PARVA: variants seen among roughly 807,000 people sequenced by gnomAD.
PARVA encodes parvin alpha.
PARVA carries 25 observed loss-of-function variants against 52.6 expected under a neutral mutation model. The observed-to-expected ratio is 0.48, with a 90% CI of 0.35 to 0.66. PARVA has a LOEUF of 0.66. Among genes scored for constraint, PARVA ranks in the 30% least tolerant of loss-of-function variants. PARVA has a pLI of 0.01. For synonymous variants in PARVA, 185 were observed against 179.1 expected (o/e 1.03, Z -0.26); for missense variants, 373 against 450.9 (o/e 0.83, Z 1.56).
chr11:12,437,546 C>G (rs553233769), intron 1 of PARVA, among the ~76,000 whole-genome samples: 2 of 152,202 alleles, frequency 1.3e-5, no homozygotes, highest in Non-Finnish European at 2.9e-5. Flanking sequence ...ATCTCTATAT[C>G]CACTTTGTCT....
At chr11:12,459,192 A>AG (rs1400598229) in intron 1 of PARVA, among the ~76,000 whole-genome samples, 1 of 151,964 alleles carries the variant, frequency 6.6e-6, no homozygotes, top group Non-Finnish European at 1.5e-5. Flanking sequence ...TTTTGGGCCC[A>AG]GGGGTTCGAG....
At chr11:12,474,817 G>C (rs1940986572) in intron 3 of PARVA, among the ~76,000 whole-genome samples, 3 of 151,034 alleles carry the variant, frequency 2.0e-5, no homozygotes, top group Admixed American at 6.6e-5. Context: ...AATACAAAAA[G>C]TAGCCAAGTG....
intron 1 of PARVA, among the ~76,000 whole-genome samples, chr11:12,470,968 G>A (rs1940925150): frequency 6.6e-6 from 1 of 152,234 alleles, no homozygotes; most frequent in African/African-American, 2.4e-5. Context: ...TGATAGAGCA[G>A]GGAGATGGTG....
At chr11:12,486,640 A>G (rs1941162389) in intron 4 of PARVA, among the ~76,000 whole-genome samples, 1 of 152,012 alleles carries the variant, frequency 6.6e-6, no homozygotes, top group African/African-American at 2.4e-5. Flanking sequence ...GAGGCCAGGA[A>G]TTCAAGACCA....
intron 8 of PARVA, among the ~76,000 whole-genome samples, chr11:12,511,867 C>G (rs1406680378): frequency 6.6e-6 from 1 of 152,176 alleles, no homozygotes; most frequent in Admixed American, 6.5e-5. Context: ...AGATTATGAT[C>G]TTGGTTTATC....
chr11:12,426,686 G>A (rs950296773), intron 1 of PARVA, among the ~76,000 whole-genome samples: 1 of 152,168 alleles, frequency 6.6e-6, no homozygotes, highest in Non-Finnish European at 1.5e-5. Flanking sequence ...GGGTCACATC[G>A]TATGTTTGTG....
At position 12,508,458 on chromosome 11, in the gene PARVA, T is replaced by C. The variant is rs554135997; in HGVS notation, c.658-126T>C. 121 of 744,998 alleles carry C rather than the reference T, an allele frequency of 1.6e-4. 2 individuals carry two copies. In the South Asian group the frequency reaches 1.8e-3, roughly 11 times the overall value. 46.1% of individuals were successfully genotyped at this position (744,998 alleles called of 1,614,324 possible). On this transcript the variant is annotated intron_variant, in intron 6 of 12. Coordinates refer to ENST00000334956, the MANE Select transcript of PARVA (RefSeq NM_018222.5). Reference sequence around the variant, plus strand: ...TCCTTTCACTTCCAGCATTATCTTATCTTGGGTGCATTTCTTAAACACCAG... The same window carrying C: ...TCCTTTCACTTCCAGCATTATCTTACCTTGGGTGCATTTCTTAAACACCAG...
intron 12 of PARVA, among the ~76,000 whole-genome samples, chr11:12,526,540 T>C (rs1419895185): frequency 6.6e-6 from 1 of 152,130 alleles, no homozygotes; most frequent in Non-Finnish European, 1.5e-5. Flanking sequence ...AGTGAACTTT[T>C]ACCAAGCGAG....
At chr11:12,428,658 C>A (rs1940272031) in intron 1 of PARVA, among the ~76,000 whole-genome samples, 1 of 152,116 alleles carries the variant, frequency 6.6e-6, no homozygotes, top group African/African-American at 2.4e-5. Flanking sequence ...TGTCTGAATC[C>A]CTGATTTGGC....
rs1173103871 is a variant in PARVA at position 12,443,984 on chromosome 11, G to A, written c.137-29761G>A. ...CTCATGTCATTTTCAGCGTGCCTTT[G>A]TAGTACTGAACCTGGCTCCATGAAT... On this transcript the variant is annotated intron_variant, in intron 1 of 12. Transcript: ENST00000334956. Among the ~76,000 whole-genome samples the A allele has an allele frequency of 3.9e-5, 6 of 152,148 alleles. No homozygotes were observed. In the South Asian group the frequency reaches 6.2e-4, roughly 16 times the overall value.
At chr11:12,461,257 G>A (rs995394560) in intron 1 of PARVA, among the ~76,000 whole-genome samples, 3 of 152,178 alleles carry the variant, frequency 2.0e-5, no homozygotes, top group African/African-American at 7.2e-5. Flanking sequence ...CACCCTGGCT[G>A]TCCTTGGTTT....
chr11:12,518,419 C>T lies in PARVA; in HGVS notation c.970-26C>T, dbSNP rs1941597338. On this transcript the variant is annotated intron_variant, in intron 11 of 12. Transcript: ENST00000334956. ...TGGGGCTCCTGGGTGTGCAATGGTACATGCTGTCTGCATCTCTCTTGCCAG... is the reference window on the plus strand; with the variant it reads ...TGGGGCTCCTGGGTGTGCAATGGTATATGCTGTCTGCATCTCTCTTGCCAG... 8.2e-6 allele frequency: 13 copies of T among 1,587,022 alleles called. No individual in the cohort carries two copies. In the East Asian group the frequency reaches 2.9e-4, roughly 35 times the overall value.
chr11:12,490,164 C>T (rs753916831), intron 4 of PARVA, among the ~76,000 whole-genome samples: 4 of 147,492 alleles, frequency 2.7e-5, no homozygotes, highest in Non-Finnish European at 4.5e-5. Flanking sequence ...TGCCGTGAGC[C>T]GAGATCGTGC....
At chr11:12,382,788 G>C (rs1213656633) in intron 1 of PARVA, among the ~76,000 whole-genome samples, 1 of 152,210 alleles carries the variant, frequency 6.6e-6, no homozygotes, top group East Asian at 1.9e-4. Context: ...CTTAACCCCT[G>C]TAAGCCTCTG....
At chr11:12,417,046 A>C (rs1219438263) in intron 1 of PARVA, among the ~76,000 whole-genome samples, 1 of 152,234 alleles carries the variant, frequency 6.6e-6, no homozygotes, top group Non-Finnish European at 1.5e-5. Flanking sequence ...GAGAAGGCCA[A>C]GGGCTGGTTC....
chr11:12,427,201 A>G (rs1297987155), intron 1 of PARVA, among the ~76,000 whole-genome samples: 1 of 152,376 alleles, frequency 6.6e-6, no homozygotes, highest in East Asian at 1.9e-4. Context: ...TGTCATATGT[A>G]TGGCATATTA....
At chr11:12,505,789 G>A (rs541499323) in intron 6 of PARVA, among the ~76,000 whole-genome samples, 103 of 152,302 alleles carry the variant, frequency 6.8e-4, no homozygotes, top group African/African-American at 2.3e-3. Flanking sequence ...TCTCTGTCAT[G>A]TTATTTTTAC....
intron 5 of PARVA, among the ~76,000 whole-genome samples, chr11:12,500,837 G>A (rs1029258924): frequency 3.7e-5 from 5 of 133,448 alleles, no homozygotes; most frequent in Non-Finnish European, 6.5e-5. Flanking sequence ...GGCGGGGCAC[G>A]GTGGCCCACA....
rs1589937858 is a variant in PARVA at position 12,388,625 on chromosome 11, G to C, written c.136+10842G>C. Among the ~76,000 whole-genome samples, 5 of 152,232 alleles carry C rather than the reference G, an allele frequency of 3.3e-5. No individual in the cohort carries two copies. In the East Asian group the frequency reaches 7.7e-4, roughly 24 times the overall value. On this transcript the variant is annotated intron_variant, in intron 1 of 12. Transcript: ENST00000334956. ...AAAATAGATAAAACCGTTGTGCAAA[G>C]TTCCAGCTCCCAAAGGCAATTGCTA...
Sources: allele counts gnomAD v4.1 joint callset (sites outside exome capture counted in the v4.1 genomes callset), GRCh38; gene constraint gnomAD v4.1.1; transcripts MANE v1.5; gene names NCBI Gene and HGNC (gene_info 2026-07-23, HGNC 2026-07-21).